The following ARAP2 variants were observed in gnomAD, a reference collection of about 807,000 sequenced individuals.
ARAP2 encodes ArfGAP with RhoGAP domain, ankyrin repeat and PH domain 2.
Under a neutral mutation model 194.5 loss-of-function variants are expected in ARAP2, and 148 were observed. The ratio of observed to expected loss-of-function variants is 0.76; its 90% CI spans 0.67 to 0.87. ARAP2 has a LOEUF of 0.87. Ranked by LOEUF, ARAP2 falls within the 40% of genes least tolerant of loss-of-function variation. The pLI, the probability that ARAP2 is intolerant of heterozygous loss-of-function variation, is 0.00. For missense variants in ARAP2, 2,128 were observed against 1,989.7 expected, an observed-to-expected ratio of 1.07 and a Z score of -1.32; for synonymous variants, 695 against 683.5, an observed-to-expected ratio of 1.02 and a Z score of -0.26.
intron 26 of ARAP2, among the ~76,000 whole-genome samples, chr4:36,112,855 G>A (rs1178001847): frequency 6.6e-6 from 1 of 151,718 alleles, no homozygotes; most frequent in Non-Finnish European, 1.5e-5. Context: ...GATGGAGGAA[G>A]AACAAAGGTA....
intron 25 of ARAP2, 144 bp from the exon 26 acceptor site, chr4:36,114,431 A>G: frequency 1.7e-6 from 1 of 578,378 alleles, no homozygotes; most frequent in South Asian, 2.3e-5. Context: ...CTAATCCCAT[A>G]CAGAAAACAG....
Position 36,068,213 on chromosome 4 carries a change from A to G in ARAP2, c.4809T>C (p.Ser1603=). 4 of 1,612,342 alleles carry G rather than the reference A, an allele frequency of 2.5e-6. No homozygotes were observed. The highest frequency in any genetic ancestry group is 1.1e-5 in the South Asian group (1 of 90,782). ...CCATGGAAGCTCTCTCCTTTAAGCTAGAGTCCACGGACTCTTTATCACACT... is the reference window on the plus strand; with the variant it reads ...CCATGGAAGCTCTCTCCTTTAAGCTGGAGTCCACGGACTCTTTATCACACT... ...SEKCDKESVD[S]SLKERASMVA... is the part of the protein sequence containing the mutation. Residue 1603 remains serine, a synonymous_variant, in exon 33 of 33, where the codon TCT becomes TCC. Transcript: ENST00000303965.
downstream of ARAP2, among the ~76,000 whole-genome samples, chr4:36,062,006 C>T (rs551002368): frequency 6.6e-6 from 1 of 152,180 alleles, no homozygotes; most frequent in East Asian, 1.9e-4. Flanking sequence ...TAGATTTTTT[C>T]CTGTACAATT....
intron 19 of ARAP2, among the ~76,000 whole-genome samples, chr4:36,138,473 C>T (rs112729400): frequency 3.6e-4 from 55 of 151,722 alleles, no homozygotes; most frequent in African/African-American, 1.3e-3. Context: ...CACAGTATTA[C>T]TCTTTTGTGT....
At position 36,212,398 on chromosome 4, in the gene ARAP2, T is replaced by C; in HGVS notation, c.1131A>G (p.Ser377=). 7 of 1,607,628 alleles carry C rather than the reference T, an allele frequency of 4.4e-6. No homozygotes were observed. The highest frequency in any genetic ancestry group is 6.0e-6 in the Non-Finnish European group (7 of 1,174,818). Residue 377 remains serine, a splice_region_variant and synonymous_variant, in exon 5 of 33, where the codon TCA becomes TCG. Transcript: ENST00000303965. ...ATATNSFIIK[S]SIYDNRKEKI... ...CATCATCAATCATGATCTCATACCT[T>C]GATTTGATGATAAAAGAGTTTGTTG...
chr4:36,174,941 T>C (rs1737529196), intron 9 of ARAP2, among the ~76,000 whole-genome samples: 1 of 152,238 alleles, frequency 6.6e-6, no homozygotes, highest in South Asian at 2.1e-4. Flanking sequence ...TTACTCTCTC[T>C]GGAGTAACTG....
intron 19 of ARAP2, among the ~76,000 whole-genome samples, chr4:36,143,743 C>T (rs1728917502): frequency 6.6e-6 from 1 of 151,750 alleles, no homozygotes; most frequent in African/African-American, 2.4e-5. Flanking sequence ...CAGAAAGTAA[C>T]TTGGTTATAT....
intron 19 of ARAP2, among the ~76,000 whole-genome samples, chr4:36,139,070 C>T (rs1172825377): frequency 2.0e-5 from 3 of 150,530 alleles, no homozygotes. Flanking sequence ...CTTTATCAGA[C>T]ACGTGTATTT....
At chr4:36,184,860 T>C (rs1205017129) in intron 8 of ARAP2, among the ~76,000 whole-genome samples, 1 of 152,236 alleles carries the variant, frequency 6.6e-6, no homozygotes, top group Non-Finnish European at 1.5e-5. Flanking sequence ...AGCAATGCCA[T>C]GTGCTTCAAG....
intron 5 of ARAP2, among the ~76,000 whole-genome samples, chr4:36,037,070 T>C (rs1353143119): frequency 6.6e-6 from 1 of 152,170 alleles, no homozygotes; most frequent in Non-Finnish European, 1.5e-5. Flanking sequence ...TGGTTTCTAG[T>C]CTTTTCACCT....
chr4:36,125,689 T>C (rs1361616128), intron 21 of ARAP2, among the ~76,000 whole-genome samples: 2 of 151,974 alleles, frequency 1.3e-5, no homozygotes, highest in East Asian at 3.9e-4. Flanking sequence ...GGCAAATATC[T>C]GGAGAAACCA....
In ARAP2 at chr4:36,160,630, G is replaced by T; in HGVS notation, c.2271C>A (p.Val757=). 2 of 1,430,110 alleles carry T rather than the reference G, an allele frequency of 1.4e-6. No homozygotes were observed. Among genetic ancestry groups the T allele is most frequent in the South Asian group, 3.4e-5 (2 of 58,688 alleles). 88.6% of individuals were successfully genotyped at this position (1,430,110 alleles called of 1,614,324 possible). The change falls in exon 13 of 33, where the codon GTC becomes GTA. Residue 757 remains valine, a synonymous_variant. Transcript: ENST00000303965. ...WSNELIELFI[V]IGNKRANDFW... ...AGTCATTTGCTCTTTTGTTTCCAAT[G>T]ACAATAAAAAGCTGAATTGTCAAAA...
intron 1 of ARAP2, among the ~76,000 whole-genome samples, chr4:36,236,286 T>C (rs1249414463): frequency 6.6e-6 from 1 of 152,000 alleles, no homozygotes; most frequent in Non-Finnish European, 1.5e-5. Flanking sequence ...CCATTACCCA[T>C]TACCAGTGGA....
intron 19 of ARAP2, among the ~76,000 whole-genome samples, chr4:36,134,857 T>C (rs1184710615): frequency 6.6e-6 from 1 of 151,718 alleles, no homozygotes; most frequent in Non-Finnish European, 1.5e-5. Flanking sequence ...CTTAACACTG[T>C]TCCTGATCTC....
At position 36,228,840 on chromosome 4, in the gene ARAP2, C is replaced by G. The variant is rs777206000; in HGVS notation, c.647G>C (p.Cys216Ser). 7 of 1,614,028 alleles carry G rather than the reference C, an allele frequency of 4.3e-6. No homozygotes were observed. The African/African-American group carries it at 8.0e-5, about 18-fold the overall frequency. Residue 216 changes from cysteine to serine, a missense_variant, in exon 2 of 33, where the codon TGC becomes TCC. Coordinates refer to ENST00000303965, the MANE Select transcript of ARAP2 (RefSeq NM_015230.4). ...TGTTGAACAGCCAACAAAAGAAAGG[C>G]ATTCAGAGTCTGCATTAGGGAGCTT... is the stretch of plus-strand genomic sequence containing the variant. ...LSKLPNADSECLSFVGCSTSG... is the reference protein window; with the variant it reads ...LSKLPNADSESLSFVGCSTSG...
At chr4:36,100,259 T>C (rs7665894) in intron 27 of ARAP2, among the ~76,000 whole-genome samples, 23,470 of 152,052 alleles carry the variant, frequency 0.15, 4,099 homozygotes, top group African/African-American at 0.43. Context: ...ACAGTAACTA[T>C]GAACTATTGT....
intron 24 of ARAP2, among the ~76,000 whole-genome samples, 194 bp from the exon 25 acceptor site, chr4:36,117,329 G>C (rs561600105): frequency 3.4e-4 from 52 of 151,842 alleles, no homozygotes; most frequent in African/African-American, 1.2e-3. Flanking sequence ...TTACACAAAT[G>C]TTATAATCAG....
Position 36,117,043 on chromosome 4 carries a change from T to A in ARAP2, c.4038+18A>T. 6.5e-7 allele frequency: 1 copy of A among 1,532,074 alleles called. No individual in the cohort carries two copies. The allele number at this position is 1,532,074 out of a possible 1,614,324, so 94.9% of individuals were successfully genotyped here. A position where few individuals can be genotyped will look rare whatever the true frequency, so the allele number is the denominator to read the frequency against. On this transcript the variant is annotated intron_variant, in intron 25 of 32. Transcript: ENST00000303965. ...GTGACTTCCAACAGTCCTCTTTACA[T>A]CCACCTTTAGAACTTACCCGAATTA...
chr4:36,201,122 A>G (rs1744277488), intron 6 of ARAP2, among the ~76,000 whole-genome samples: 1 of 152,220 alleles, frequency 6.6e-6, no homozygotes, highest in Non-Finnish European at 1.5e-5. Flanking sequence ...AACTGTGTAG[A>G]GCCACACACA....
Sources: gnomAD v4.1 joint callset for allele counts (sites outside exome capture counted in the v4.1 genomes callset) on GRCh38, gnomAD v4.1.1 for gene constraint, MANE v1.5 for transcripts, NCBI Gene and HGNC (gene_info 2026-07-23, HGNC 2026-07-21) for gene names.